Variants in PAX3 observed in about 807,000 individuals in gnomAD.
PAX3 encodes paired box protein Pax-3.
In PAX3, 14 loss-of-function variants were observed where a neutral mutation model predicts 51.6. The observed-to-expected ratio is 0.27, with a 90% confidence interval of 0.18 to 0.42. The LOEUF is 0.42. PAX3 is among the 10% of genes least tolerant of loss of function. The probability of loss-of-function intolerance (pLI) is 1.00; values close to 1 mark genes in which losing one functional copy is unlikely to be tolerated. For synonymous variants in PAX3, 280 were observed against 253.4 expected (o/e 1.11, Z -1.00); for missense variants, 540 against 642.8 (o/e 0.84, Z 1.73).
At chr2:222,268,324 T>C (rs987535132) in intron 4 of PAX3, among the ~76,000 whole-genome samples, 1 of 152,234 alleles carries the variant, frequency 6.6e-6, no homozygotes, top group African/African-American at 2.4e-5. Context: ...TTGCTCACAC[T>C]TTCAAAGAAG....
At chr2:222,212,104 C>T (rs1051545716) in intron 7 of PAX3, among the ~76,000 whole-genome samples, 3 of 151,934 alleles carry the variant, frequency 2.0e-5, no homozygotes, top group Non-Finnish European at 4.4e-5. Flanking sequence ...TCAATAGAGG[C>T]TAAAAAAGAA....
chr2:222,291,131 G>A (rs945693488), intron 4 of PAX3, among the ~76,000 whole-genome samples: 1 of 152,196 alleles, frequency 6.6e-6, no homozygotes, highest in Admixed American at 6.5e-5. Flanking sequence ...GCGCCCGCGG[G>A]CCCGCTAGGC....
At position 222,202,061 on chromosome 2, in the gene PAX3, G is replaced by A. The variant is rs1433890746; in HGVS notation, c.1303C>T (p.His435Tyr). Reference sequence around the variant, plus strand: ...GGCAGACTGTCCAAGCTCTTCATATGGTCTAGTCTCTGACTGCAGCTGGCC... The same window carrying A: ...GGCAGACTGTCCAAGCTCTTCATATAGTCTAGTCTCTGACTGCAGCTGGCC... The part of the protein sequence containing the change: ...VSASCSQRLD[H>Y]MKSLDSLPTS... The change falls in exon 8 of 9, where the codon CAT (histidine) becomes TAT (tyrosine). Residue 435 changes from histidine (H) to tyrosine (Y), a missense_variant. This residue lies in a region of PAX3 where 427 missense variants were observed against 483.6 expected (regional missense o/e 0.88). Coordinates refer to ENST00000392070, the MANE Select transcript of PAX3 (RefSeq NM_181458.4). The A allele has an allele frequency of 6.2e-7, 1 of 1,614,030 alleles. No homozygotes were observed. The highest frequency in any genetic ancestry group is 2.2e-5 in the East Asian group (1 of 44,844).
chr2:222,240,456 C>T lies in PAX3; in HGVS notation c.587-8173G>A, dbSNP rs1039842987. Among the ~76,000 whole-genome samples the T allele has an allele frequency of 1.2e-4, 18 of 152,208 alleles. 1 individual carries two copies. The highest frequency in any genetic ancestry group is 9.2e-4 in the Admixed American group (14 of 15,290). On this transcript the variant is annotated intron_variant, in intron 4 of 8. Coordinates refer to ENST00000392070, the MANE Select transcript of PAX3 (RefSeq NM_181458.4). ...AGTTCTGTCTCAAGCCACCACCTGA[C>T]CATTGGTCATCGAAAAGTCCTCCTT... is the stretch of plus-strand genomic sequence containing the variant.
chr2:222,273,985 C>T (rs369299865), intron 4 of PAX3, among the ~76,000 whole-genome samples: 7 of 152,204 alleles, frequency 4.6e-5, no homozygotes, highest in East Asian at 3.9e-4. Flanking sequence ...GAGTTTGGTA[C>T]TTATTTGGTT....
chr2:222,285,582 A>G lies in PAX3; in HGVS notation c.586+8585T>C, dbSNP rs45464899. On this transcript the variant is annotated intron_variant, in intron 4 of 8. Transcript: ENST00000392070. Reference sequence around the variant, plus strand: ...CTTTCTATTTAAAATGCAAATGTGTATGTGACCGTATCAGCATTGACTATG... The same window carrying G: ...CTTTCTATTTAAAATGCAAATGTGTGTGTGACCGTATCAGCATTGACTATG... Among the ~76,000 whole-genome samples the G allele has an allele frequency of 1.7e-3, 256 of 152,364 alleles. 1 individual carries two copies. Among genetic ancestry groups the G allele is most frequent in the African/African-American group, 5.8e-3 (240 of 41,588 alleles).
At chr2:222,236,950 C>T (rs903717193) in intron 4 of PAX3, among the ~76,000 whole-genome samples, 2 of 152,050 alleles carry the variant, frequency 1.3e-5, no homozygotes, top group African/African-American at 4.8e-5. Context: ...CTTTAAATTG[C>T]AAAAAGATGT....
At chr2:222,241,041 G>C (rs1222800933) in intron 4 of PAX3, among the ~76,000 whole-genome samples, 1 of 152,110 alleles carries the variant, frequency 6.6e-6, no homozygotes, top group African/African-American at 2.4e-5. Context: ...CCCCACCTAA[G>C]AGCTTAAAAA....
At chr2:222,218,399 G>T (rs943090280) in intron 7 of PAX3, among the ~76,000 whole-genome samples, 5 of 152,056 alleles carry the variant, frequency 3.3e-5, no homozygotes, top group African/African-American at 1.2e-4. Flanking sequence ...TAGAATACAG[G>T]TTCTTATTAG....
chr2:222,256,559 T>G (rs1378049658), intron 4 of PAX3, among the ~76,000 whole-genome samples: 1 of 152,140 alleles, frequency 6.6e-6, no homozygotes, highest in Non-Finnish European at 1.5e-5. Context: ...ACTCGGAAAC[T>G]GCTCTTTGAT....
intron 4 of PAX3, among the ~76,000 whole-genome samples, chr2:222,234,919 G>C (rs550059781): frequency 3.9e-5 from 6 of 152,076 alleles, no homozygotes; most frequent in Non-Finnish European, 7.4e-5. Context: ...TCTTTCCAAA[G>C]TGAATTCAGG....
chr2:222,213,070 C>T (rs979760095), intron 7 of PAX3, among the ~76,000 whole-genome samples: 1 of 152,174 alleles, frequency 6.6e-6, no homozygotes. Context: ...ATCAACTCGG[C>T]AGACACAAAA....
intron 5 of PAX3, among the ~76,000 whole-genome samples, chr2:222,224,381 TG>T (rs1365106256): frequency 6.6e-6 from 1 of 152,208 alleles, no homozygotes; most frequent in African/African-American, 2.4e-5. Context: ...TAGTGAGGAC[TG>T]GCCTGCCTGT....
In PAX3 at chr2:222,298,539, G is replaced by C; in HGVS notation, c.77C>G (p.Pro26Arg). 1.2e-6 allele frequency: 2 copies of C among 1,603,844 alleles called. No homozygotes were observed. The highest frequency in any genetic ancestry group is 2.3e-5 in the East Asian group (1 of 44,278). ...CTGAGGCCCTCCCTTACCTTCCAGCGGGAACCCGCTACGCGGGTAGTTCTG... is the reference window on the plus strand; with the variant it reads ...CTGAGGCCCTCCCTTACCTTCCAGCCGGAACCCGCTACGCGGGTAGTTCTG... ...PGQNYPRSGF[P>R]LEVSTPLGQG... The change falls in exon 1 of 9, where the codon CCG (proline) becomes CGG (arginine). Residue 26 changes from proline (P) to arginine (R), a missense_variant. This residue lies in a region of PAX3 where 63 missense variants were observed against 49.9 expected (regional missense o/e 1.26). Coordinates refer to ENST00000392070, the MANE Select transcript of PAX3 (RefSeq NM_181458.4).
intron 4 of PAX3, among the ~76,000 whole-genome samples, chr2:222,277,253 G>T (rs143812622): frequency 1.3e-5 from 2 of 152,326 alleles, no homozygotes; most frequent in African/African-American, 4.8e-5. Flanking sequence ...GTGGCTGGGG[G>T]TTGGGGAGGC....
At chr2:222,212,787 A>G (rs45471495) in intron 7 of PAX3, among the ~76,000 whole-genome samples, 7,602 of 152,322 alleles carry the variant, frequency 0.05, 643 homozygotes, top group African/African-American at 0.17. Context: ...AAATGCAATA[A>G]TAAATTAAAA....
At position 222,201,053 on chromosome 2, in the gene PAX3, A is replaced by G; in HGVS notation, c.*355T>C. ...TCTCAATACACACACACACACACACACGCACGCACGCACACAAGCAAATGG... is the reference window on the plus strand; with the variant it reads ...TCTCAATACACACACACACACACACGCGCACGCACGCACACAAGCAAATGG... On this transcript the variant is annotated 3_prime_UTR_variant, in exon 9 of 9. Transcript: ENST00000392070. 2.0e-6 allele frequency: 2 copies of G among 1,008,626 alleles called. No individual in the cohort carries two copies. Among genetic ancestry groups the G allele is most frequent in the Non-Finnish European group, 3.0e-6 (2 of 661,856 alleles). The allele number at this position is 1,008,626 out of a possible 1,614,324, so 62.5% of individuals were successfully genotyped here.
chr2:222,233,168 A>T (rs1338881745), intron 4 of PAX3: 1 of 151,238 alleles, frequency 6.6e-6, no homozygotes, highest in Non-Finnish European at 1.5e-5. Context: ...CAGATCATTA[A>T]CCCAATCCCA....
chr2:222,280,818 G>T (rs1694621151), intron 4 of PAX3, among the ~76,000 whole-genome samples: 1 of 152,176 alleles, frequency 6.6e-6, no homozygotes. Flanking sequence ...CCTGTATAAT[G>T]GGGACTTGCC....
Sources: allele counts gnomAD v4.1 joint callset (sites outside exome capture counted in the v4.1 genomes callset), GRCh38; gene constraint gnomAD v4.1.1; regional missense constraint gnomAD v4.1.1; transcripts MANE v1.5; gene names NCBI Gene and HGNC (gene_info 2026-07-23, HGNC 2026-07-21).